The following HMCN1 variants were observed in gnomAD, a reference collection of about 807,000 sequenced individuals.
HMCN1 encodes the protein hemicentin-1.
A neutral mutation model predicts 625.9 loss-of-function variants in HMCN1; 321 were observed. That is an observed-to-expected ratio of 0.51 (90% CI 0.47 to 0.56). The LOEUF (loss-of-function observed/expected upper bound fraction) is 0.56. Among genes scored for constraint, HMCN1 ranks in the 20% least tolerant of loss-of-function variants. HMCN1 has a pLI of 0.00. For synonymous variants in HMCN1, 2,425 were observed against 2,417.6 expected (o/e 1.00, Z -0.09); for missense variants, 6,588 against 6,887.3 (o/e 0.96, Z 1.54).
intron 71 of HMCN1, among the ~76,000 whole-genome samples, chr1:186,110,485 A>G (rs1660824055): frequency 6.6e-6 from 1 of 152,234 alleles, no homozygotes; most frequent in African/African-American, 2.4e-5. Flanking sequence ...AGTTGTATCC[A>G]TTAGCTTTGG....
chr1:185,798,931 G>A lies in HMCN1; in HGVS notation c.269-47095G>A, dbSNP rs1017786905. Among the ~76,000 whole-genome samples, 3 of 151,992 alleles carry A rather than the reference G, an allele frequency of 2.0e-5. No homozygotes were observed. The East Asian group carries it at 5.8e-4, about 29-fold the overall frequency. On this transcript the variant is annotated intron_variant, in intron 1 of 106. Coordinates refer to ENST00000271588, the MANE Select transcript of HMCN1 (RefSeq NM_031935.3). ...TACTAGAGAGTTAGTGTGGTCCTTT[G>A]GGGTGTTGTAACACTTTTTCATACT...
intron 11 of HMCN1, among the ~76,000 whole-genome samples, chr1:185,947,231 T>C (rs1466255614): frequency 6.6e-6 from 1 of 152,206 alleles, no homozygotes; most frequent in Non-Finnish European, 1.5e-5. Flanking sequence ...AATAGGACTT[T>C]CTGCAATGAT....
chr1:186,091,778 T>C (rs1245279404), intron 64 of HMCN1, among the ~76,000 whole-genome samples: 1 of 152,032 alleles, frequency 6.6e-6, no homozygotes, highest in African/African-American at 2.4e-5. Context: ...AACTTTAACA[T>C]TGTGGACCAA....
At chr1:186,099,417 T>C (rs1219711998) in intron 68 of HMCN1, among the ~76,000 whole-genome samples, 2 of 152,114 alleles carry the variant, frequency 1.3e-5, no homozygotes, top group African/African-American at 2.4e-5. Flanking sequence ...TGTGATCCTG[T>C]ACATTCATTA....
chr1:185,987,795 A>C (rs1315100335), intron 20 of HMCN1, among the ~76,000 whole-genome samples: 2 of 151,926 alleles, frequency 1.3e-5, no homozygotes, highest in East Asian at 3.9e-4. Context: ...CACTCCCCAG[A>C]GAAGCTTACA....
intron 18 of HMCN1, among the ~76,000 whole-genome samples, chr1:185,982,691 T>A (rs927161139): frequency 6.6e-6 from 1 of 152,104 alleles, no homozygotes; most frequent in Non-Finnish European, 1.5e-5. Context: ...TCCATCCACC[T>A]CGGCCTCTCA....
rs545770705 is a variant in HMCN1, at chr1:185,734,750, A to AG, written c.-25dup. Reference sequence around the variant, plus strand: ...GACTGAGCACAGTGCTTAGGCGCTGAGGGGGAAAAAGAGGGGGAAAAAAAA... The same window carrying AG: ...GACTGAGCACAGTGCTTAGGCGCTGAGGGGGGAAAAAGAGGGGGAAAAAAAA... On this transcript the variant is annotated 5_prime_UTR_variant, in exon 1 of 107. Transcript: ENST00000271588. 1,297 of 1,612,344 alleles carry AG rather than the reference A, an allele frequency of 8.0e-4. 15 individuals are homozygous for AG. The South Asian group carries it at 0.011, about 14-fold the overall frequency.
intron 1 of HMCN1, among the ~76,000 whole-genome samples, chr1:185,837,336 GAA>G (rs1661230163): frequency 1.3e-5 from 2 of 151,972 alleles, no homozygotes; most frequent in Admixed American, 1.3e-4. Flanking sequence ...CAAATTTGCT[GAA>G]GTTTGCATCT....
In HMCN1 at chr1:186,061,670, G is replaced by A. The variant is rs554434149; in HGVS notation, c.7313-181G>A. Among the ~76,000 whole-genome samples the A allele has an allele frequency of 2.0e-5, 3 of 152,006 alleles. No homozygotes were observed. In the East Asian group the frequency reaches 5.8e-4, roughly 29 times the overall value. On this transcript the variant is annotated intron_variant, in intron 46 of 106. Coordinates refer to ENST00000271588, the MANE Select transcript of HMCN1 (RefSeq NM_031935.3). ...ATCTATTGAACTAGAAGATTTTTCT[G>A]AACTATTTTGTTTTATAGAAGTTTA...
chr1:186,003,961 C>T (rs1194099062), intron 29 of HMCN1, 117 bp downstream of exon 29: 3 of 1,008,060 alleles, frequency 3.0e-6, no homozygotes, highest in African/African-American at 3.2e-5. Flanking sequence ...ATTAAATGAG[C>T]ATACAGGAAA....
intron 1 of HMCN1, among the ~76,000 whole-genome samples, chr1:185,845,006 G>A (rs1288443301): frequency 6.6e-6 from 1 of 152,140 alleles, no homozygotes; most frequent in Non-Finnish European, 1.5e-5. Flanking sequence ...GAAGGCAGTG[G>A]CCCCACCTTT....
intron 4 of HMCN1, among the ~76,000 whole-genome samples, chr1:185,905,740 G>A (rs1666064174): frequency 6.6e-6 from 1 of 151,756 alleles, no homozygotes; most frequent in Non-Finnish European, 1.5e-5. Flanking sequence ...ATTGGTTATA[G>A]CATGGGCTGC....
intron 15 of HMCN1, among the ~76,000 whole-genome samples, chr1:185,974,848 A>C (rs1430334040): frequency 6.6e-6 from 1 of 152,122 alleles, no homozygotes; most frequent in Non-Finnish European, 1.5e-5. Context: ...TTTACAATGG[A>C]TGACTTCTCC....
intron 97 of HMCN1, among the ~76,000 whole-genome samples, chr1:186,160,611 T>G (rs541848937): frequency 0.034 from 5,062 of 150,202 alleles, 122 homozygotes; most frequent in South Asian, 0.065. Context: ...AGAGATTCTG[T>G]TATGTTGTGT....
At chr1:185,776,139 AT>A (rs529824565) in intron 1 of HMCN1, among the ~76,000 whole-genome samples, 21 of 151,896 alleles carry the variant, frequency 1.4e-4, no homozygotes, top group Non-Finnish European at 2.8e-4. Flanking sequence ...TATTTTATTT[AT>A]TTCCTATTTA....
chr1:185,852,689 A>G (rs1242607130), intron 2 of HMCN1, among the ~76,000 whole-genome samples: 1 of 151,332 alleles, frequency 6.6e-6, no homozygotes, highest in Non-Finnish European at 1.5e-5. Flanking sequence ...TTTAACTCAT[A>G]GTATGCATAA....
chr1:185,933,232 A>G (rs931245188), intron 10 of HMCN1, among the ~76,000 whole-genome samples: 3 of 152,168 alleles, frequency 2.0e-5, no homozygotes, highest in African/African-American at 7.2e-5. Context: ...TTCATCTATA[A>G]AAACTTTGCC....
At chr1:185,845,148 G>GA (rs34643995) in intron 1 of HMCN1, among the ~76,000 whole-genome samples, 1 of 152,048 alleles carries the variant, frequency 6.6e-6, no homozygotes, top group African/African-American at 2.4e-5. Context: ...CCAGCCATGA[G>GA]AAAAAAAGTT....
chr1:186,119,750 C>T lies in HMCN1; in HGVS notation c.11962C>T (p.Pro3988Ser). The T allele has an allele frequency of 6.2e-7, 1 of 1,613,832 alleles. No individual in the cohort carries two copies. Among genetic ancestry groups the T allele is most frequent in the Non-Finnish European group, 8.5e-7 (1 of 1,179,858 alleles). The change falls in exon 79 of 107, where the codon CCA becomes TCA. Residue 3988 changes from proline to serine, a missense_variant. This residue lies in a region of HMCN1 where 4,628 missense variants were observed against 4,853.1 expected (regional missense o/e 0.95). Transcript: ENST00000271588. The part of the protein sequence containing the change: ...RHVTLHVHEP[P>S]VIQPQPSELH... The stretch of plus-strand genomic sequence containing the variant: ...GTTGATTGGTTTTTTTATAGAGCCT[C>T]CAGTCATTCAGCCCCAACCAAGTGA...
Sources: gnomAD v4.1 joint callset for allele counts (sites outside exome capture counted in the v4.1 genomes callset) on GRCh38, gnomAD v4.1.1 for gene constraint, gnomAD v4.1.1 regional missense constraint, MANE v1.5 for transcripts, NCBI Gene and HGNC (gene_info 2026-07-23, HGNC 2026-07-21) for gene names.